CRLS1: variants seen among roughly 807,000 people sequenced by gnomAD.
CRLS1 encodes cardiolipin synthase (CMP-forming).
A neutral mutation model predicts 37.0 loss-of-function variants in CRLS1; 24 were observed. The observed-to-expected ratio is 0.65, with a 90% CI of 0.47 to 0.91. The LOEUF is 0.91. Among genes scored for constraint, CRLS1 ranks in the 40% least tolerant of loss-of-function variants. The pLI is 0.00. For missense variants in CRLS1, 373 were observed against 395.8 expected (o/e 0.94, Z 0.49); for synonymous variants, 135 against 159.7 (o/e 0.85, Z 1.17).
intron 2 of CRLS1, among the ~76,000 whole-genome samples, chr20:6,011,018 T>TA (rs879901246): frequency 8.4e-4 from 118 of 140,018 alleles, no homozygotes; most frequent in African/African-American, 1.3e-3. Context: ...ACTTGTCTCT[T>TA]AAAAAAAAAA....
intron 6 of CRLS1, 21 bp from the exon 7 acceptor site, chr20:6,037,049 TTTTA>T: frequency 1.3e-6 from 2 of 1,562,130 alleles, no homozygotes; most frequent in South Asian, 2.2e-5. Context: ...GACAACTACA[TTTTA>T]TTTCTTTTCT....
At chr20:6,035,328 T>G (rs1054460992) in intron 6 of CRLS1, among the ~76,000 whole-genome samples, 4 of 152,100 alleles carry the variant, frequency 2.6e-5, no homozygotes, top group African/African-American at 9.7e-5. Context: ...GGTCCATCAG[T>G]GGGAGTTTTT....
In CRLS1 at chr20:6,039,890, G is replaced by A. The variant is rs554486440; in HGVS notation, c.*2732G>A. 2.0e-5 allele frequency: 3 copies of A among 152,212 alleles called. No homozygotes were observed. Among genetic ancestry groups the A allele is most frequent in the South Asian group, 4.1e-4 (2 of 4,822 alleles). 9.4% of individuals were successfully genotyped at this position (152,212 alleles called of 1,614,324 possible). ...GGAGAGGAGATGGAACAACTCCCTC[G>A]GAGCCTCCAAGAGGAACCAACCCCA... On this transcript the variant is annotated 3_prime_UTR_variant, in exon 7 of 7. Transcript: ENST00000378863.
In CRLS1 at chr20:6,009,923, A is replaced by G. The variant is rs376628446; in HGVS notation, c.444+11A>G. 1 of 1,612,632 alleles carries G rather than the reference A, an allele frequency of 6.2e-7. No individual in the cohort carries two copies. The highest frequency in any genetic ancestry group is 8.5e-7 in the Non-Finnish European group (1 of 1,179,090). On this transcript the variant is annotated intron_variant, in intron 2 of 6. Coordinates refer to ENST00000378863, the MANE Select transcript of CRLS1 (RefSeq NM_019095.6). ...GGACTAACAGATTTGGTAAGTTGTA[A>G]ATGCACTCCCAGTTTGCTCTCCTTC... is the stretch of plus-strand genomic sequence containing the variant.
chr20:6,027,986 G>C (rs1183596455), intron 3 of CRLS1, among the ~76,000 whole-genome samples: 1 of 152,128 alleles, frequency 6.6e-6, no homozygotes, highest in Non-Finnish European at 1.5e-5. Flanking sequence ...TTTGAAATCT[G>C]TCTCCTCTAC....
At position 6,032,926 on chromosome 20, in the gene CRLS1, T is replaced by TTTTG. The variant is rs200655058; in HGVS notation, c.729+863_729+866dup. Among the ~76,000 whole-genome samples, 1,277 of 151,888 alleles carry TTTTG rather than the reference T, an allele frequency of 8.4e-3. 14 individuals carry two copies. Among genetic ancestry groups the TTTTG allele is most frequent in the African/African-American group, 0.029 (1,214 of 41,458 alleles). ...TAGGGTTTGGGGTTTTTTTGTTGTT[T>TTTTG]TTTGTTTGTTTGTTTGTTTGGCTTC... On this transcript the variant is annotated intron_variant, in intron 5 of 6. Transcript: ENST00000378863.
At chr20:6,028,043 T>G (rs1324186948) in intron 3 of CRLS1, among the ~76,000 whole-genome samples, 1 of 152,242 alleles carries the variant, frequency 6.6e-6, no homozygotes, top group East Asian at 1.9e-4. Flanking sequence ...TACTGTCATT[T>G]TAGGAGAATT....
intron 3 of CRLS1, among the ~76,000 whole-genome samples, chr20:6,020,029 A>G (rs979257482): frequency 2.6e-5 from 4 of 152,174 alleles, no homozygotes; most frequent in South Asian, 2.1e-4. Context: ...GAAGATTCTT[A>G]TGTAATTAAA....
intron 6 of CRLS1, 111 bp downstream of exon 6, chr20:6,034,666 C>A: frequency 1.3e-6 from 1 of 753,228 alleles, no homozygotes; most frequent in South Asian, 1.7e-5. Context: ...CTGGGTAAAG[C>A]TGTGGCTATA....
In CRLS1 at chr20:6,037,176, T is replaced by C; in HGVS notation, c.*18T>C. The C allele has an allele frequency of 6.3e-7, 1 of 1,582,406 alleles. No individual in the cohort carries two copies. Among genetic ancestry groups the C allele is most frequent in the Non-Finnish European group, 8.7e-7 (1 of 1,151,846 alleles). On this transcript the variant is annotated 3_prime_UTR_variant, in exon 7 of 7. Transcript: ENST00000378863. ...AAGACTGATGAAAGTCATCCCTCAC[T>C]GTTAGTAAGGAAGCAGTATACATCA...
intron 1 of CRLS1, among the ~76,000 whole-genome samples, chr20:6,009,354 C>T (rs1236654315): frequency 2.0e-5 from 3 of 151,662 alleles, no homozygotes; most frequent in Admixed American, 2.0e-4. Context: ...GAAAAGGAAA[C>T]CTATAATATG....
Position 6,015,389 on chromosome 20 carries a change from CCAAT to C in CRLS1, c.477_480del (p.Asn159LysfsTer25), listed in dbSNP as rs1247622433. 1 of 1,606,112 alleles carries C rather than the reference CCAAT, an allele frequency of 6.2e-7. No individual in the cohort carries two copies. The highest frequency in any genetic ancestry group is 1.1e-5 in the South Asian group (1 of 90,096). ...GATGGATTTATTGCTCGAAACTGGGCCAATCAAAGATCAGCTTTGGGAAGTGCTC... is the reference window on the plus strand; with the variant it reads ...GATGGATTTATTGCTCGAAACTGGGCCAAAGATCAGCTTTGGGAAGTGCTC... On this transcript the variant is annotated frameshift_variant, in exon 3 of 7. Transcript: ENST00000378863.
At chr20:6,020,751 T>C (rs992762957) in intron 3 of CRLS1, among the ~76,000 whole-genome samples, 3 of 151,394 alleles carry the variant, frequency 2.0e-5, no homozygotes, top group Non-Finnish European at 4.4e-5. Context: ...GCCTCCCGAG[T>C]AGCTGGGACT....
Position 6,038,391 on chromosome 20 carries a change from G to A in CRLS1, c.*1233G>A, listed in dbSNP as rs1298443633. On this transcript the variant is annotated 3_prime_UTR_variant, in exon 7 of 7. Coordinates refer to ENST00000378863, the MANE Select transcript of CRLS1 (RefSeq NM_019095.6). ...GTTGAGCTGCATTAAATTAGAATGG[G>A]AGGCTGTAAGTAAAACTCATGCCTC... is the stretch of plus-strand genomic sequence containing the variant. 2.0e-5 allele frequency: 3 copies of A among 152,272 alleles called. No individual in the cohort carries two copies. Among genetic ancestry groups the A allele is most frequent in the African/African-American group, 7.2e-5 (3 of 41,456 alleles). 9.4% of individuals were successfully genotyped at this position (152,272 alleles called of 1,614,324 possible).
intron 1 of CRLS1, chr20:6,007,280 G>T: frequency 6.4e-7 from 1 of 1,558,498 alleles, no homozygotes; most frequent in South Asian, 1.2e-5. Flanking sequence ...GAGGTGGCCA[G>T]ATCCTGGCAG....
At chr20:6,015,799 T>C (rs2122946752) in intron 3 of CRLS1, 1 of 290,944 alleles carries the variant, frequency 3.4e-6, no homozygotes, top group African/African-American at 2.2e-5. Flanking sequence ...TATGTATTTT[T>C]AGTGCCTAGC....
chr20:6,036,819 C>T (rs1980584818), intron 6 of CRLS1, among the ~76,000 whole-genome samples: 1 of 152,098 alleles, frequency 6.6e-6, no homozygotes, highest in Non-Finnish European at 1.5e-5. Flanking sequence ...TAAAAAATGA[C>T]AGTTGCTAGT....
intron 3 of CRLS1, among the ~76,000 whole-genome samples, chr20:6,016,248 C>T (rs772542909): frequency 4.6e-5 from 7 of 152,272 alleles, no homozygotes; most frequent in Non-Finnish European, 1.0e-4. Flanking sequence ...CACATGGTCC[C>T]TCGGTATCAT....
At chr20:6,008,258 C>T (rs1201908918) in intron 1 of CRLS1, among the ~76,000 whole-genome samples, 1 of 151,938 alleles carries the variant, frequency 6.6e-6, no homozygotes, top group African/African-American at 2.4e-5. Flanking sequence ...AAAAGGGGTT[C>T]TAGAGAAGAG....
Sources: gnomAD v4.1 joint callset for allele counts (sites outside exome capture counted in the v4.1 genomes callset) on GRCh38, gnomAD v4.1.1 for gene constraint, MANE v1.5 for transcripts, NCBI Gene and HGNC (gene_info 2026-07-23, HGNC 2026-07-21) for gene names.